The following CCDC69 variants were observed in gnomAD, a reference collection of about 807,000 sequenced individuals.
CCDC69 encodes the protein coiled-coil domain-containing protein 69.
In CCDC69, 38 loss-of-function variants were observed where a neutral mutation model predicts 40.3. The ratio of observed to expected loss-of-function variants is 0.94; its 90% CI spans 0.73 to 1.24. The LOEUF (loss-of-function observed/expected upper bound fraction) is 1.24, where lower values mean the gene tolerates loss of function less well. Among genes scored for constraint, CCDC69 ranks in the 50% most tolerant of loss-of-function variants. The probability of loss-of-function intolerance (pLI) is 0.00; values close to 1 mark genes in which losing one functional copy is unlikely to be tolerated. For synonymous variants in CCDC69, 141 were observed against 138.9 expected, an observed-to-expected ratio of 1.02 and a Z score of -0.11; for missense variants, 389 against 357.9, an observed-to-expected ratio of 1.09 and a Z score of -0.70.
chr5:151,184,394 C>G lies in CCDC69; in HGVS notation c.663G>C (p.Gln221His). The change falls in exon 8 of 9, where the codon CAG becomes CAC. Residue 221 changes from glutamine to histidine, a missense_variant. Physicochemically the swap from Gln to His is conservative, Grantham distance 24. Coordinates refer to ENST00000355417, the MANE Select transcript of CCDC69 (RefSeq NM_015621.3). ...ILEEKITTLQ[Q>H]ENEDLHVRSR... ...TTCGGACATGGAGGTCCTCATTTTC[C>G]TGTTGCAGGGTCGTAATTTTTTCCT... The G allele has an allele frequency of 1.2e-6, 2 of 1,614,148 alleles. No individual in the cohort carries two copies. Among genetic ancestry groups the G allele is most frequent in the Non-Finnish European group, 1.7e-6 (2 of 1,180,006 alleles).
rs1312947346 is a variant in CCDC69 at position 151,183,083 on chromosome 5, G to A, written c.*354C>T. 2.1e-6 allele frequency: 1 copy of A among 485,960 alleles called. No homozygotes were observed. The highest frequency in any genetic ancestry group is 4.1e-6 in the Non-Finnish European group (1 of 246,690). 30.1% of individuals were successfully genotyped at this position (485,960 alleles called of 1,614,324 possible). A position where few individuals can be genotyped will look rare whatever the true frequency, so the allele number is the denominator to read the frequency against. ...GTCGGCAGCAGAGCTGACAAGCTGGGACCAGGGGCTGTCTCCTTTATGTCA... is the reference window on the plus strand; with the variant it reads ...GTCGGCAGCAGAGCTGACAAGCTGGAACCAGGGGCTGTCTCCTTTATGTCA... On this transcript the variant is annotated 3_prime_UTR_variant, in exon 9 of 9. Transcript: ENST00000355417.
chr5:151,223,345 C>A (rs997645682), intron 1 of CCDC69, among the ~76,000 whole-genome samples: 2 of 152,260 alleles, frequency 1.3e-5, no homozygotes, highest in Non-Finnish European at 2.9e-5. Flanking sequence ...CACTCACCAG[C>A]TCTGGGGCCT....
intron 1 of CCDC69, among the ~76,000 whole-genome samples, chr5:151,221,611 T>C (rs1028788907): frequency 5.9e-5 from 9 of 152,232 alleles, no homozygotes; most frequent in African/African-American, 2.2e-4. Flanking sequence ...TGCCACCAAC[T>C]GGCTGTGTGA....
chr5:151,195,207 C>T (rs902359918), intron 4 of CCDC69, among the ~76,000 whole-genome samples: 1 of 152,170 alleles, frequency 6.6e-6, no homozygotes, highest in Non-Finnish European at 1.5e-5. Flanking sequence ...AAACTCAAGA[C>T]AGGCAATCTC....
chr5:151,197,872 T>C (rs1022328117), intron 4 of CCDC69, among the ~76,000 whole-genome samples: 3 of 152,144 alleles, frequency 2.0e-5, no homozygotes, highest in East Asian at 1.9e-4. Flanking sequence ...AGGGTGCATA[T>C]TGGAATGCTA....
chr5:151,194,242 C>A (rs924733181), intron 4 of CCDC69, among the ~76,000 whole-genome samples: 1 of 152,196 alleles, frequency 6.6e-6, no homozygotes, highest in Admixed American at 6.5e-5. Flanking sequence ...CCACACAAAG[C>A]CTGCACATGA....
chr5:151,181,803 G>GA lies in CCDC69; in HGVS notation c.*1633dup, dbSNP rs1165180503. Reference sequence around the variant, plus strand: ...AGATGTGCTTTGCAAAAAGCTTCATGAAAAAGTACACATGTGATTCCCTCC... The same window carrying GA: ...AGATGTGCTTTGCAAAAAGCTTCATGAAAAAAGTACACATGTGATTCCCTCC... On this transcript the variant is annotated 3_prime_UTR_variant, in exon 9 of 9. Coordinates refer to ENST00000355417, the MANE Select transcript of CCDC69 (RefSeq NM_015621.3). 3.3e-5 allele frequency: 5 copies of GA among 152,218 alleles called. No individual in the cohort carries two copies. Among genetic ancestry groups the GA allele is most frequent in the Non-Finnish European group, 7.3e-5 (5 of 68,054 alleles). 9.4% of individuals were successfully genotyped at this position (152,218 alleles called of 1,614,324 possible).
intron 1 of CCDC69, chr5:151,212,858 A>G: frequency 2.2e-6 from 1 of 456,252 alleles, no homozygotes; most frequent in South Asian, 1.5e-5. Context: ...TCAGTTCAGT[A>G]TGAAGAAAAA....
rs779502687 is a variant in CCDC69, at chr5:151,186,105, G to A, written c.413C>T (p.Thr138Ile). 1.2e-6 allele frequency: 2 copies of A among 1,613,490 alleles called. No homozygotes were observed. Among genetic ancestry groups the A allele is most frequent in the Non-Finnish European group, 1.7e-6 (2 of 1,179,488 alleles). The change falls in exon 6 of 9, where the codon ACC becomes ATC. Residue 138 changes from threonine (T) to isoleucine (I), a missense_variant. Coordinates refer to ENST00000355417, the MANE Select transcript of CCDC69 (RefSeq NM_015621.3). ...GGCCTGGAAAGCCTCCAGCTGTGAG[G>A]TCAGTCTGTCTATGGTCTCCTGGAG... ...STQQETIDRL[T>I]SQLEAFQAKM...
intron 4 of CCDC69, among the ~76,000 whole-genome samples, chr5:151,195,718 C>CAAAAAAA (rs765505789): frequency 1.7e-5 from 1 of 60,476 alleles, no homozygotes; most frequent in Non-Finnish European, 2.9e-5. Context: ...GACTCCATCT[C>CAAAAAAA]AAAAAAAAAA....
intron 1 of CCDC69, 69 bp from the exon 2 acceptor site, chr5:151,205,544 T>C (rs2113996492): frequency 3.1e-6 from 4 of 1,297,838 alleles, no homozygotes; most frequent in South Asian, 2.4e-5. Context: ...CGGGCTGCTA[T>C]AGTGGGACTC....
Position 151,199,100 on chromosome 5 carries a change from C to T in CCDC69, c.232-16G>A, listed in dbSNP as rs781406150. The stretch of plus-strand genomic sequence containing the variant: ...CCTTCTCCACCTGGGGGCAGAGAGT[C>T]CCGGGCAGGACTGAGATTGAGCAGG... On this transcript the variant is annotated splice_polypyrimidine_tract_variant and intron_variant, in intron 3 of 8. Coordinates refer to ENST00000355417, the MANE Select transcript of CCDC69 (RefSeq NM_015621.3). The T allele has an allele frequency of 5.0e-6, 8 of 1,605,386 alleles. No individual in the cohort carries two copies. In the South Asian group the frequency reaches 7.7e-5, roughly 15 times the overall value.
intron 1 of CCDC69, chr5:151,212,020 G>GT (rs903887700): frequency 6.6e-6 from 1 of 150,826 alleles, no homozygotes; most frequent in African/African-American, 2.5e-5. Context: ...GTGGTGGTGG[G>GT]GGGGGGAGTT....
Position 151,213,779 on chromosome 5 carries a change from G to A in CCDC69, c.49-8304C>T, listed in dbSNP as rs554721401. 8.5e-5 allele frequency among the ~76,000 whole-genome samples: 13 copies of A among 152,344 alleles called. No homozygotes were observed. The South Asian group carries it at 2.7e-3, about 32-fold the overall frequency. ...TCAAGGCTTGTGTATTTCTGATTAAGTGCTTTGTGTCCTCATTGTTCCTGC... is the reference window on the plus strand; with the variant it reads ...TCAAGGCTTGTGTATTTCTGATTAAATGCTTTGTGTCCTCATTGTTCCTGC... On this transcript the variant is annotated intron_variant, in intron 1 of 8. Coordinates refer to ENST00000355417, the MANE Select transcript of CCDC69 (RefSeq NM_015621.3).
chr5:151,210,048 T>A lies in CCDC69; in HGVS notation c.49-4573A>T, dbSNP rs536739839. Among the ~76,000 whole-genome samples, 9 of 152,364 alleles carry A rather than the reference T, an allele frequency of 5.9e-5. No individual in the cohort carries two copies. In the East Asian group the frequency reaches 1.5e-3, roughly 26 times the overall value. ...CATATATTGTTCATCTACATATACA[T>A]ATGCAATGATATTACATATACTTCC... On this transcript the variant is annotated intron_variant, in intron 1 of 8. Coordinates refer to ENST00000355417, the MANE Select transcript of CCDC69 (RefSeq NM_015621.3).
chr5:151,208,930 C>T (rs1265012134), intron 1 of CCDC69, among the ~76,000 whole-genome samples: 1 of 152,220 alleles, frequency 6.6e-6, no homozygotes, highest in Non-Finnish European at 1.5e-5. Context: ...GCTCTCATCT[C>T]AGCTCCTCTC....
At chr5:151,186,823 C>T (rs1354318850) in intron 5 of CCDC69, among the ~76,000 whole-genome samples, 2 of 152,168 alleles carry the variant, frequency 1.3e-5, no homozygotes, top group Non-Finnish European at 2.9e-5. Context: ...GGCCCTTGCT[C>T]ACGTTCTTAG....
chr5:151,205,459 T>C lies in CCDC69; in HGVS notation c.65A>G (p.Glu22Gly). Reference protein sequence around the residue: ...KPPKKKRQEPEPEQPPRPEPH... With the variant: ...KPPKKKRQEPGPEQPPRPEPH... ...CTCTGGTCTGGGTGGCTGTTCTGGTTCTGGTTCTTGGCGCTTCTGGAAGAA... is the reference window on the plus strand; with the variant it reads ...CTCTGGTCTGGGTGGCTGTTCTGGTCCTGGTTCTTGGCGCTTCTGGAAGAA... The change falls in exon 2 of 9, where the codon GAA (glutamate) becomes GGA (glycine). Residue 22 changes from glutamate to glycine, a missense_variant. Physicochemically the swap from Glu to Gly is moderately conservative, Grantham distance 98. Transcript: ENST00000355417. The C allele has an allele frequency of 6.2e-7, 1 of 1,614,162 alleles. No individual in the cohort carries two copies. Among genetic ancestry groups the C allele is most frequent in the Non-Finnish European group, 8.5e-7 (1 of 1,180,006 alleles).
chr5:151,193,342 CAAAAAAAAAAA>C (rs35463341), intron 4 of CCDC69, among the ~76,000 whole-genome samples: 2 of 77,564 alleles, frequency 2.6e-5, no homozygotes, highest in African/African-American at 4.5e-5. Context: ...CTCATTTCTA[CAAAAAAAAAAA>C]AAAAAAAAAA....
Sources: gnomAD v4.1 joint callset for allele counts (sites outside exome capture counted in the v4.1 genomes callset) on GRCh38, gnomAD v4.1.1 for gene constraint, MANE v1.5 for transcripts, NCBI Gene and HGNC (gene_info 2026-07-23, HGNC 2026-07-21) for gene names.